The following AGBL1 variants were observed in gnomAD, a reference collection of about 807,000 sequenced individuals.
AGBL1 encodes AGBL carboxypeptidase 1.
Under a neutral mutation model 118.9 loss-of-function variants are expected in AGBL1, and 130 were observed. The observed-to-expected ratio is 1.09, with a 90% confidence interval of 0.95 to 1.26. The LOEUF is 1.26. AGBL1 is among the 50% of genes most tolerant of loss of function. The pLI, the probability that AGBL1 is intolerant of heterozygous loss-of-function variation, is 0.00. For missense variants in AGBL1, 1,584 were observed against 1,298.1 expected (o/e 1.22, Z -3.38); for synonymous variants, 555 against 478.9 (o/e 1.16, Z -2.08).
At chr15:86,859,447 G>A (rs2079529994) in intron 22 of AGBL1, among the ~76,000 whole-genome samples, 1 of 152,214 alleles carries the variant, frequency 6.6e-6, no homozygotes, top group South Asian at 2.1e-4. Context: ...TATAGAAGTA[G>A]TGTGAAGTTG....
At chr15:86,926,335 T>G (rs552822288) in intron 23 of AGBL1, among the ~76,000 whole-genome samples, 8 of 152,346 alleles carry the variant, frequency 5.3e-5, no homozygotes, top group African/African-American at 1.9e-4. Context: ...TGCCATTCGT[T>G]CTGGTCCTAG....
chr15:86,563,598 G>A (rs1220384660), intron 21 of AGBL1, among the ~76,000 whole-genome samples: 1 of 151,942 alleles, frequency 6.6e-6, no homozygotes, highest in Non-Finnish European at 1.5e-5. Context: ...TGAGAAGAAT[G>A]TATATTCTGT....
At chr15:86,867,824 G>A (rs1019460841) in intron 22 of AGBL1, among the ~76,000 whole-genome samples, 5 of 152,206 alleles carry the variant, frequency 3.3e-5, no homozygotes, top group Admixed American at 3.3e-4. Flanking sequence ...TGACTTTAAA[G>A]ATCTGAGGTA....
intron 21 of AGBL1, among the ~76,000 whole-genome samples, chr15:86,651,448 G>T (rs1041208684): frequency 1.3e-5 from 2 of 152,144 alleles, no homozygotes; most frequent in Non-Finnish European, 2.9e-5. Flanking sequence ...ATAAGAAATG[G>T]CATGGCTTTC....
chr15:87,021,258 A>G (rs1596749962), intron 24 of AGBL1, among the ~76,000 whole-genome samples: 1 of 152,302 alleles, frequency 6.6e-6, no homozygotes, highest in South Asian at 2.1e-4. Context: ...TTCCCTATTT[A>G]ATAAATGGTG....
chr15:86,741,830 G>T (rs1186208428), intron 22 of AGBL1, among the ~76,000 whole-genome samples: 2 of 152,004 alleles, frequency 1.3e-5, no homozygotes, highest in East Asian at 3.9e-4. Flanking sequence ...AAAGGACAAT[G>T]CTTACATTTA....
In AGBL1 at chr15:86,802,889, A is replaced by G. The variant is rs536116583; in HGVS notation, c.3159-104198A>G. Among the ~76,000 whole-genome samples, 65 of 152,294 alleles carry G rather than the reference A, an allele frequency of 4.3e-4. 1 individual carries two copies. In the Middle Eastern group the frequency reaches 0.034, roughly 80 times the overall value. ...ATTTCTTTATCTACAAAAGGAAGAT[A>G]ATAAGACACTCAGTATAGAACTGTC... On this transcript the variant is annotated intron_variant, in intron 22 of 22. Transcript: ENST00000614907.
At chr15:86,468,997 G>C (rs1329189637) in intron 18 of AGBL1, among the ~76,000 whole-genome samples, 1 of 152,034 alleles carries the variant, frequency 6.6e-6, no homozygotes, top group African/African-American at 2.4e-5. Flanking sequence ...GTGATGTTTA[G>C]ATATATATAT....
intron 22 of AGBL1, among the ~76,000 whole-genome samples, chr15:86,752,990 T>A (rs2077878201): frequency 6.6e-6 from 1 of 152,084 alleles, no homozygotes; most frequent in Non-Finnish European, 1.5e-5. Flanking sequence ...CGCCCTTTCT[T>A]CAGTCCTTCT....
chr15:86,274,613 C>T (rs1026244614), intron 15 of AGBL1, among the ~76,000 whole-genome samples: 1 of 152,146 alleles, frequency 6.6e-6, no homozygotes, highest in African/African-American at 2.4e-5. Flanking sequence ...GGAGACCTCT[C>T]CCATGCAACA....
intron 22 of AGBL1, among the ~76,000 whole-genome samples, chr15:86,897,565 T>G (rs1276099463): frequency 1.3e-5 from 2 of 152,034 alleles, no homozygotes; most frequent in South Asian, 4.1e-4. Flanking sequence ...TCTTTCATAT[T>G]TATTACATTT....
At chr15:86,349,263 A>G (rs1217167660) in intron 17 of AGBL1, among the ~76,000 whole-genome samples, 2 of 152,244 alleles carry the variant, frequency 1.3e-5, no homozygotes. Flanking sequence ...TCATGTGGAA[A>G]CAAATACCTA....
intron 21 of AGBL1, among the ~76,000 whole-genome samples, chr15:86,582,194 G>A (rs752652702): frequency 1.3e-5 from 2 of 152,126 alleles, no homozygotes; most frequent in Non-Finnish European, 2.9e-5. Flanking sequence ...CCATTGCTTA[G>A]TTACAAAGGT....
chr15:86,396,004 G>A (rs934434539), intron 17 of AGBL1, among the ~76,000 whole-genome samples: 2 of 151,512 alleles, frequency 1.3e-5, no homozygotes, highest in Non-Finnish European at 2.9e-5. Context: ...CTTTCCGTGT[G>A]TGTCTTATTT....
intron 22 of AGBL1, among the ~76,000 whole-genome samples, chr15:86,829,663 C>T (rs928449268): frequency 6.6e-6 from 1 of 152,076 alleles, no homozygotes; most frequent in Non-Finnish European, 1.5e-5. Flanking sequence ...GAGCTTGTTG[C>T]ATAGGATTCT....
chr15:86,986,087 C>G (rs2081279504), intron 23 of AGBL1, among the ~76,000 whole-genome samples: 1 of 151,996 alleles, frequency 6.6e-6, no homozygotes. Context: ...CCATGCCCGG[C>G]TAATTTTTGT....
At chr15:86,624,754 G>T in intron 21 of AGBL1, among the ~76,000 whole-genome samples, 1 of 152,150 alleles carries the variant, frequency 6.6e-6, no homozygotes, top group East Asian at 1.9e-4. Flanking sequence ...TGGCCACAGG[G>T]TGTCACAACT....
At chr15:86,604,197 G>A (rs1056493958) in intron 21 of AGBL1, among the ~76,000 whole-genome samples, 1 of 151,708 alleles carries the variant, frequency 6.6e-6, no homozygotes, top group Non-Finnish European at 1.5e-5. Flanking sequence ...AACAAGCAAA[G>A]AAATAAAAAT....
chr15:86,179,821 C>T (rs188763181), intron 5 of AGBL1, among the ~76,000 whole-genome samples: 154 of 152,202 alleles, frequency 1.0e-3, no homozygotes, highest in African/African-American at 3.6e-3. Context: ...CAAAAAATTA[C>T]AAGAACTAAT....
Sources: allele counts gnomAD v4.1 joint callset (sites outside exome capture counted in the v4.1 genomes callset), GRCh38; gene constraint gnomAD v4.1.1; transcripts MANE v1.5; gene names NCBI Gene and HGNC (gene_info 2026-07-23, HGNC 2026-07-21).